The following ZNF37A variants were observed in gnomAD, a reference collection of about 807,000 sequenced individuals.
The protein encoded by ZNF37A is zinc finger protein 37a (KOX 21).
In ZNF37A, 10 loss-of-function variants were observed where a neutral mutation model predicts 12.3. The ratio of observed to expected loss-of-function variants is 0.82; its 90% CI spans 0.50 to 1.38. The LOEUF is 1.38. Among genes scored for constraint, ZNF37A ranks in the 40% most tolerant of loss-of-function variants. ZNF37A has a pLI of 0.00. For missense variants in ZNF37A, 580 were observed against 651.2 expected (o/e 0.89, Z 1.19); for synonymous variants, 207 against 223.0 (o/e 0.93, Z 0.64).
intron 5 of ZNF37A, among the ~76,000 whole-genome samples, chr10:38,103,266 A>G (rs2067743983): frequency 6.6e-6 from 1 of 152,030 alleles, no homozygotes; most frequent in African/African-American, 2.4e-5. Flanking sequence ...AATCCCCATC[A>G]GTGTCTTCAA....
At chr10:38,115,912 G>T (rs1323682855) in intron 7 of ZNF37A, among the ~76,000 whole-genome samples, 1 of 151,682 alleles carries the variant, frequency 6.6e-6, no homozygotes, top group Non-Finnish European at 1.5e-5. Context: ...AGCCAGGCAT[G>T]GTGGCACACA....
At chr10:38,111,144 T>C (rs895498238) in intron 5 of ZNF37A, among the ~76,000 whole-genome samples, 9 of 152,144 alleles carry the variant, frequency 5.9e-5, no homozygotes, top group Non-Finnish European at 1.2e-4. Context: ...CATGGAATGC[T>C]ATGCAGCCAT....
chr10:38,112,423 T>A lies in ZNF37A; in HGVS notation c.16-2332T>A, dbSNP rs11011453. On this transcript the variant is annotated intron_variant, in intron 5 of 7. Transcript: ENST00000685332. ...TGGAATGCTAAGCATGTGGGAGTTA[T>A]TTATATCCTACTGCTCAGGGTCATT... 7.9e-5 allele frequency among the ~76,000 whole-genome samples: 12 copies of A among 152,234 alleles called. No individual in the cohort carries two copies. In the East Asian group the frequency reaches 1.2e-3, roughly 15 times the overall value.
At chr10:38,127,200 A>G (rs1590937719), downstream of ZNF37A, among the ~76,000 whole-genome samples, 1 of 152,240 alleles carries the variant, frequency 6.6e-6, no homozygotes, top group Non-Finnish European at 1.5e-5. Context: ...AGATGTACCT[A>G]GTGAGATTTG....
chr10:38,101,822 T>TA (rs1491240152), intron 5 of ZNF37A, among the ~76,000 whole-genome samples: 6 of 137,086 alleles, frequency 4.4e-5, no homozygotes, highest in Non-Finnish European at 6.2e-5. Flanking sequence ...CTTTTATTTT[T>TA]CTTTTTTTTT....
In ZNF37A at chr10:38,097,447, G is replaced by A. The variant is rs148753704; in HGVS notation, c.15+815G>A. On this transcript the variant is annotated intron_variant, in intron 5 of 7. Transcript: ENST00000685332. ...ACAAAAATTAGCTTGGCATGTTGGC[G>A]TGCACCTGTAATCCCAGCTAGTCAG... Among the ~76,000 whole-genome samples the A allele has an allele frequency of 3.2e-3, 493 of 151,826 alleles. 1 individual carries two copies. Among genetic ancestry groups the A allele is most frequent in the African/African-American group, 0.011 (467 of 41,410 alleles).
chr10:38,134,503 C>T (rs995521003), intron 7 of ZNF37A, among the ~76,000 whole-genome samples: 2 of 152,164 alleles, frequency 1.3e-5, no homozygotes, highest in Non-Finnish European at 2.9e-5. Context: ...TGCTAGTTTT[C>T]CTTCTAACAG....
At chr10:38,096,718 T>G (rs2067182870) in intron 5 of ZNF37A, 86 bp downstream of exon 5, 2 of 1,349,948 alleles carry the variant, frequency 1.5e-6, no homozygotes, top group Non-Finnish European at 2.1e-6. Context: ...AAAGTAGAAA[T>G]AACATCAGGG....
chr10:38,136,706 G>T (rs74330008), intron 7 of ZNF37A, among the ~76,000 whole-genome samples: 6,436 of 152,194 alleles, frequency 0.042, 192 homozygotes, highest in Non-Finnish European at 0.06. Context: ...AATTTGGGAA[G>T]TTTTTAGGCA....
rs570155125 is a variant in ZNF37A at position 38,111,381 on chromosome 10, A to G, written c.16-3374A>G. Among the ~76,000 whole-genome samples, 125 of 152,166 alleles carry G rather than the reference A, an allele frequency of 8.2e-4. 1 individual carries two copies. The highest frequency in any genetic ancestry group is 2.6e-3 in the African/African-American group (109 of 41,504). ...TAGCATTAGGAGAAATACCTTATGT[A>G]GATGATGGGTTGATGGGTGCAGCAA... On this transcript the variant is annotated intron_variant, in intron 5 of 7. Coordinates refer to ENST00000685332, the MANE Select transcript of ZNF37A (RefSeq NM_001324250.3).
chr10:38,130,640 T>C (rs1409973193), intron 7 of ZNF37A, among the ~76,000 whole-genome samples: 6 of 152,078 alleles, frequency 3.9e-5, no homozygotes, highest in Admixed American at 3.9e-4. Context: ...TTTGCATTTT[T>C]TTTTTTCGAA....
chr10:38,133,123 A>G (rs1345306950), intron 7 of ZNF37A, among the ~76,000 whole-genome samples: 5 of 152,124 alleles, frequency 3.3e-5, no homozygotes, highest in East Asian at 1.9e-4. Context: ...ATATTTTACT[A>G]TCCTTTTACT....
intron 5 of ZNF37A, among the ~76,000 whole-genome samples, chr10:38,110,423 T>C (rs1476031512): frequency 6.6e-6 from 1 of 152,158 alleles, no homozygotes; most frequent in African/African-American, 2.4e-5. Context: ...TACATAGGCA[T>C]GGGCAAAACT....
chr10:38,106,095 G>A (rs2505192), intron 5 of ZNF37A, among the ~76,000 whole-genome samples: 106,734 of 152,008 alleles, frequency 0.7, 39,166 homozygotes, highest in African/African-American at 0.93. Flanking sequence ...GTCTTTCACT[G>A]TGGAGTATGT....
intron 7 of ZNF37A, among the ~76,000 whole-genome samples, chr10:38,135,460 T>C (rs572911919): frequency 6.6e-6 from 1 of 152,388 alleles, no homozygotes. Context: ...TGCATCTTTA[T>C]TCATTGTGTG....
intron 7 of ZNF37A, among the ~76,000 whole-genome samples, chr10:38,130,690 G>T (rs1250257337): frequency 6.6e-6 from 1 of 151,748 alleles, no homozygotes; most frequent in Non-Finnish European, 1.5e-5. Flanking sequence ...GGCTGTTCTC[G>T]AATTCCTGTC....
chr10:38,125,981 C>A (rs1274749005), downstream of ZNF37A, among the ~76,000 whole-genome samples: 1 of 152,032 alleles, frequency 6.6e-6, no homozygotes, highest in Non-Finnish European at 1.5e-5. Flanking sequence ...TTTAGATGAC[C>A]AGATCTTGGG....
At chr10:38,108,736 G>A (rs1406014515) in intron 5 of ZNF37A, among the ~76,000 whole-genome samples, 2 of 152,086 alleles carry the variant, frequency 1.3e-5, no homozygotes, top group Non-Finnish European at 2.9e-5. Flanking sequence ...AAATCTAGAA[G>A]AAATGGATAA....
chr10:38,102,045 C>G (rs1423037020), intron 5 of ZNF37A, among the ~76,000 whole-genome samples: 1 of 151,900 alleles, frequency 6.6e-6, no homozygotes, highest in Non-Finnish European at 1.5e-5. Context: ...CGGTATTGGC[C>G]AGGCTGGTCT....
Sources: gnomAD v4.1 joint callset for allele counts (sites outside exome capture counted in the v4.1 genomes callset) on GRCh38, gnomAD v4.1.1 for gene constraint, MANE v1.5 for transcripts, NCBI Gene and HGNC (gene_info 2026-07-23, HGNC 2026-07-21) for gene names.